P2RX7: variants seen among roughly 807,000 people sequenced by gnomAD.
The protein encoded by P2RX7 is P2X purinoceptor 7.
A neutral mutation model predicts 71.6 loss-of-function variants in P2RX7; 62 were observed. That is an observed-to-expected ratio of 0.87 (90% confidence interval 0.71 to 1.07). The LOEUF (loss-of-function observed/expected upper bound fraction) is 1.07, where lower values mean the gene tolerates loss of function less well. P2RX7 is among the 50% of genes least tolerant of loss of function. The pLI is 0.00. For missense variants in P2RX7, 686 were observed against 748.5 expected (o/e 0.92, Z 0.97); for synonymous variants, 299 against 283.3 (o/e 1.06, Z -0.56).
intron 1 of P2RX7, among the ~76,000 whole-genome samples, chr12:121,141,526 T>G (rs1874864614): frequency 6.6e-6 from 1 of 152,202 alleles, no homozygotes; most frequent in Non-Finnish European, 1.5e-5. Flanking sequence ...GGCCTGATCA[T>G]GGAGCGCCTT....
At chr12:121,141,483 C>T (rs1000808620) in intron 1 of P2RX7, among the ~76,000 whole-genome samples, 7 of 152,088 alleles carry the variant, frequency 4.6e-5, no homozygotes, top group African/African-American at 1.4e-4. Flanking sequence ...GCAGAGAAGG[C>T]GAGGCTGAGG....
chr12:121,178,906 T>TA (rs747046468), intron 11 of P2RX7, among the ~76,000 whole-genome samples: 28 of 150,768 alleles, frequency 1.9e-4, no homozygotes, highest in Admixed American at 7.3e-4. Flanking sequence ...ATATATAGGT[T>TA]AAAAAAAAAT....
At chr12:121,171,128 T>C (rs919627289) in intron 8 of P2RX7, among the ~76,000 whole-genome samples, 1 of 152,140 alleles carries the variant, frequency 6.6e-6, no homozygotes, top group African/African-American at 2.4e-5. Context: ...GCCACAAATG[T>C]GGTGGCTTAA....
At position 121,180,147 on chromosome 12, in the gene P2RX7, C is replaced by CAAA. The variant is rs60397642; in HGVS notation, c.1189-189_1189-187dup. 3.6e-3 allele frequency among the ~76,000 whole-genome samples: 233 copies of CAAA among 64,472 alleles called. 6 individuals are homozygous for CAAA. Among genetic ancestry groups the CAAA allele is most frequent in the Non-Finnish European group, 4.9e-3 (167 of 33,960 alleles). The allele number at this position is 64,472 out of a possible 152,430, so 42.3% of individuals were successfully genotyped here. Reference sequence around the variant, plus strand: ...CTGGCAACAAGAGTGAACTCCAACTCAAAAAAAAAAAAAAAAAAAAGCATG... The same window carrying CAAA: ...CTGGCAACAAGAGTGAACTCCAACTCAAAAAAAAAAAAAAAAAAAAAAAGCATG... On this transcript the variant is annotated intron_variant, in intron 11 of 12. Coordinates refer to ENST00000328963, the MANE Select transcript of P2RX7 (RefSeq NM_002562.6).
chr12:121,183,431 T>G (rs1884452691), intron 12 of P2RX7, among the ~76,000 whole-genome samples: 1 of 146,048 alleles, frequency 6.8e-6, no homozygotes, highest in Admixed American at 6.9e-5. Context: ...ATTAGCCGGG[T>G]GTGGTGGTGC....
At position 121,154,859 on chromosome 12, in the gene P2RX7, G is replaced by A; in HGVS notation, c.200G>A (p.Gly67Glu). 1.2e-6 allele frequency: 2 copies of A among 1,614,194 alleles called. No individual in the cohort carries two copies. The highest frequency in any genetic ancestry group is 2.2e-5 in the East Asian group (1 of 44,870). Residue 67 changes from glycine to glutamate, a missense_variant, in exon 2 of 13, where the codon GGG (glycine) becomes GAG (glutamate). Transcript: ENST00000328963. The surrounding 1 kb of genome is among the most constrained non-coding windows in gnomAD (Gnocchi z 4.2). Reference protein sequence around the residue: ...VISSVHTKVKGIAEVKEEIVE... With the variant: ...VISSVHTKVKEIAEVKEEIVE... ...AGTTCTGTGCACACCAAGGTGAAGG[G>A]GATAGCAGAGGTGAAAGAGGAGATC...
At chr12:121,133,265 C>T (rs1211233272) in intron 1 of P2RX7, among the ~76,000 whole-genome samples, 170 bp downstream of exon 1, 6 of 152,248 alleles carry the variant, frequency 3.9e-5, no homozygotes, top group Non-Finnish European at 5.9e-5. Context: ...CAAGAGGAAA[C>T]GGTGCCAGGC....
intron 1 of P2RX7, among the ~76,000 whole-genome samples, chr12:121,141,963 T>A (rs1565938950): frequency 1.3e-5 from 2 of 152,190 alleles, no homozygotes; most frequent in East Asian, 3.9e-4. Context: ...AACACTTTGA[T>A]ACACAAGGAA....
intron 6 of P2RX7, 145 bp from the exon 7 acceptor site, chr12:121,165,913 G>A (rs560682425): frequency 4.0e-6 from 3 of 749,162 alleles, no homozygotes; most frequent in East Asian, 5.4e-5. Context: ...CAGTGTGAGA[G>A]GCCACTGCCC....
chr12:121,155,124 T>A, intron 2 of P2RX7, 171 bp downstream of exon 2: 1 of 1,482,136 alleles, frequency 6.7e-7, no homozygotes, highest in Admixed American at 2.1e-5. Context: ...CTGGGTGAGA[T>A]CCAGGAGATG....
At chr12:121,178,111 A>G (rs1041990356) in intron 11 of P2RX7, among the ~76,000 whole-genome samples, 3 of 152,246 alleles carry the variant, frequency 2.0e-5, no homozygotes, top group African/African-American at 7.2e-5. Flanking sequence ...ACTAATGTTT[A>G]AATGGGACAT....
chr12:121,169,756 TA>T (rs1469417204), intron 8 of P2RX7, among the ~76,000 whole-genome samples: 4 of 152,084 alleles, frequency 2.6e-5, no homozygotes, highest in African/African-American at 9.7e-5. Flanking sequence ...TAATAATTTT[TA>T]AAACATCAGC....
In P2RX7 at chr12:121,184,894, G is replaced by A. The variant is rs1264669469; in HGVS notation, c.*92G>A. The A allele has an allele frequency of 1.0e-6, 1 of 965,810 alleles. No homozygotes were observed. The highest frequency in any genetic ancestry group is 1.5e-6 in the Non-Finnish European group (1 of 657,718). The allele number at this position is 965,810 out of a possible 1,614,324, so 59.8% of individuals were successfully genotyped here. A position where few individuals can be genotyped will look rare whatever the true frequency, so the allele number is the denominator to read the frequency against. On this transcript the variant is annotated 3_prime_UTR_variant, in exon 13 of 13. Coordinates refer to ENST00000328963, the MANE Select transcript of P2RX7 (RefSeq NM_002562.6). ...GAGGTCGGGAGTTGGAGACCCGCCT[G>A]GCTAACAAGGCGAAATCCTGTCTGT...
rs147038409 is a variant in P2RX7, at chr12:121,184,607, G to T, written c.1593G>T (p.Glu531Asp). 559 of 1,613,014 alleles carry T rather than the reference G, an allele frequency of 3.5e-4. No homozygotes were observed. Among genetic ancestry groups the T allele is most frequent in the Non-Finnish European group, 4.4e-4 (516 of 1,179,668 alleles). ...TGCAGTTCCTCCTGCTCTACCAGGA[G>T]CCCTTGCTGGCGCTGGATGTGGATT... is the stretch of plus-strand genomic sequence containing the variant. ...HVLQFLLLYQ[E>D]PLLALDVDST... Residue 531 changes from glutamate (E) to aspartate (D), a missense_variant, in exon 13 of 13, where the codon GAG becomes GAT. Glu to Asp is a conservative substitution (Grantham distance 45, BLOSUM62 2). Transcript: ENST00000328963.
rs753784142 is a variant in P2RX7 at position 121,162,524 on chromosome 12, A to G, written c.533+4A>G. 2 of 1,611,882 alleles carry G rather than the reference A, an allele frequency of 1.2e-6. No individual in the cohort carries two copies. The highest frequency in any genetic ancestry group is 1.3e-5 in the African/African-American group (1 of 74,898). On this transcript the variant is annotated splice_donor_region_variant and intron_variant, in intron 5 of 12. Coordinates refer to ENST00000328963, the MANE Select transcript of P2RX7 (RefSeq NM_002562.6). Reference sequence around the variant, plus strand: ...AGGCAGTGGAAGAGGCCCCCCGGTGAGTCGCATGGGGAGACAGACACAGTG... The same window carrying G: ...AGGCAGTGGAAGAGGCCCCCCGGTGGGTCGCATGGGGAGACAGACACAGTG...
At chr12:121,163,751 C>G (rs533196465) in intron 5 of P2RX7, among the ~76,000 whole-genome samples, 1 of 152,220 alleles carries the variant, frequency 6.6e-6, no homozygotes, top group South Asian at 2.1e-4. Context: ...AGCCATTGCT[C>G]CCAGCCTGAA....
chr12:121,163,356 A>ACACG (rs57694198), intron 5 of P2RX7, among the ~76,000 whole-genome samples: 4 of 92,096 alleles, frequency 4.3e-5, no homozygotes, highest in Non-Finnish European at 7.5e-5. Flanking sequence ...ACACACACAC[A>ACACG]CGCACACACA....
intron 1 of P2RX7, among the ~76,000 whole-genome samples, chr12:121,147,483 A>C (rs1447989045): frequency 2.0e-5 from 3 of 152,222 alleles, no homozygotes; most frequent in East Asian, 3.8e-4. Context: ...GTTCCAGTAA[A>C]TATCCATCCC....
chr12:121,146,013 C>G (rs1270205900), intron 1 of P2RX7, among the ~76,000 whole-genome samples: 2 of 152,190 alleles, frequency 1.3e-5, no homozygotes, highest in Non-Finnish European at 2.9e-5. Flanking sequence ...GCAGCAACCA[C>G]AAGGAAAGCT....
Sources: allele counts gnomAD v4.1 joint callset (sites outside exome capture counted in the v4.1 genomes callset), GRCh38; gene constraint gnomAD v4.1.1; non-coding constraint Gnocchi (gnomAD v3.1); transcripts MANE v1.5; gene names NCBI Gene and HGNC (gene_info 2026-07-23, HGNC 2026-07-21).